Variants in CARD6 observed in about 807,000 individuals in gnomAD.
CARD6 encodes caspase recruitment domain family member 6, also known as caspase recruitment domain-containing protein 6.
Under a neutral mutation model 23.6 loss-of-function variants are expected in CARD6, and 27 were observed. The observed-to-expected ratio is 1.14, with a 90% CI of 0.84 to 1.58. The LOEUF (loss-of-function observed/expected upper bound fraction) is 1.58. CARD6 is among the 40% of genes most tolerant of loss of function. The pLI is 0.00. For synonymous variants in CARD6, 397 were observed against 431.8 expected, an observed-to-expected ratio of 0.92 and a Z score of 1.00; for missense variants, 1,214 against 1,209.9, an observed-to-expected ratio of 1.00 and a Z score of -0.05.
chr5:40,853,449 G>A lies in CARD6; in HGVS notation c.2117G>A (p.Gly706Glu). The change falls in exon 3 of 3, where the codon GGG becomes GAG. Residue 706 changes from glycine (G) to glutamate (E), a missense_variant. By Grantham distance (98) the Gly-to-Glu change is moderately conservative. Transcript: ENST00000254691. Reference sequence around the variant, plus strand: ...GCTCTAATGCCAATTCAAGAGCCTGGGACTCAATGTGAGCTCAGCCAGAAT... The same window carrying A: ...GCTCTAATGCCAATTCAAGAGCCTGAGACTCAATGTGAGCTCAGCCAGAAT... ...SQALMPIQEP[G>E]TQCELSQNLQ... The A allele has an allele frequency of 2.5e-6, 4 of 1,614,176 alleles. No homozygotes were observed. The highest frequency in any genetic ancestry group is 3.4e-6 in the Non-Finnish European group (4 of 1,180,036).
chr5:40,854,238 C>A lies in CARD6; in HGVS notation c.2906C>A (p.Ser969Tyr), dbSNP rs1192623150. Residue 969 changes from serine to tyrosine, a missense_variant, in exon 3 of 3, where the codon TCC becomes TAC. Physicochemically the swap from Ser to Tyr is moderately radical, Grantham distance 144 (BLOSUM62 -2). Coordinates refer to ENST00000254691, the MANE Select transcript of CARD6 (RefSeq NM_032587.4). The part of the protein sequence containing the change: ...PFHSVPSQPK[S>Y]SQTKSCQSQP... ...CATTCTGTGCCCTCTCAACCTAAATCCTCTCAGACAAAATCCTGTCAGTCC... is the reference window on the plus strand; with the variant it reads ...CATTCTGTGCCCTCTCAACCTAAATACTCTCAGACAAAATCCTGTCAGTCC... 2 of 1,614,044 alleles carry A rather than the reference C, an allele frequency of 1.2e-6. No homozygotes were observed. Among genetic ancestry groups the A allele is most frequent in the African/African-American group, 2.7e-5 (2 of 74,908 alleles).
rs1463759367 is a variant in CARD6 at position 40,853,160 on chromosome 5, TG to T, written c.1831del (p.Glu611ArgfsTer22). 6.2e-7 allele frequency: 1 copy of T among 1,614,146 alleles called. No individual in the cohort carries two copies. Among genetic ancestry groups the T allele is most frequent in the Non-Finnish European group, 8.5e-7 (1 of 1,180,020 alleles). On this transcript the variant is annotated frameshift_variant, in exon 3 of 3. Transcript: ENST00000254691. LOFTEE classifies it low-confidence loss of function (END_TRUNC). Reference protein sequence around the residue: ...LNLKPAQLLFWERGDAGDRRK... With the variant: ...LNLKPAQLLFXERGDAGDRRK... ...CTTGAAGCCAGCACAGCTACTGTTT[TG>T]GGAGAGGGGAGATGCTGGGGATAGA...
chr5:40,851,365 A>G (rs1248409425), intron 2 of CARD6, among the ~76,000 whole-genome samples: 1 of 152,146 alleles, frequency 6.6e-6, no homozygotes, highest in Non-Finnish European at 1.5e-5. Flanking sequence ...GTAAAACTAT[A>G]TATTTCTATA....
Position 40,843,637 on chromosome 5 carries a change from G to T in CARD6, c.769G>T (p.Gly257Cys). 1 of 1,592,134 alleles carries T rather than the reference G, an allele frequency of 6.3e-7. No individual in the cohort carries two copies. The highest frequency in any genetic ancestry group is 8.5e-7 in the Non-Finnish European group (1 of 1,173,442). The change falls in exon 2 of 3, where the codon GGT (glycine) becomes TGT (cysteine). Residue 257 changes from glycine to cysteine, a missense_variant. Physicochemically the swap from Gly to Cys is radical, Grantham distance 159. Transcript: ENST00000254691. ...FENSETTEFS[G>C]EEPSYEGSET... ...GAATTCAGAAACCACAGAGTTCTCTGGTGAAGAACCAAGTTATGAGGGATC... is the reference window on the plus strand; with the variant it reads ...GAATTCAGAAACCACAGAGTTCTCTTGTGAAGAACCAAGTTATGAGGGATC...
In CARD6 at chr5:40,843,500, A is replaced by G; in HGVS notation, c.632A>G (p.Lys211Arg). 1.9e-6 allele frequency: 3 copies of G among 1,608,416 alleles called. No homozygotes were observed. Among genetic ancestry groups the G allele is most frequent in the Non-Finnish European group, 1.7e-6 (2 of 1,178,396 alleles). Residue 211 changes from lysine (K) to arginine (R), a missense_variant, in exon 2 of 3, where the codon AAA (lysine) becomes AGA (arginine). Physicochemically the swap from Lys to Arg is conservative, Grantham distance 26 (BLOSUM62 2). Coordinates refer to ENST00000254691, the MANE Select transcript of CARD6 (RefSeq NM_032587.4). ...EELDDSLYLG[K>R]EEYLGSVDTP... The stretch of plus-strand genomic sequence containing the variant: ...CTAGATGATTCTTTATACTTAGGAA[A>G]AGAGGAATATCTAGGATCTGTTGAC...
rs1746125350 is a variant in CARD6, at chr5:40,853,633, T to C, written c.2301T>C (p.His767=). The C allele has an allele frequency of 6.2e-7, 1 of 1,614,114 alleles. No homozygotes were observed. Among genetic ancestry groups the C allele is most frequent in the Non-Finnish European group, 8.5e-7 (1 of 1,180,046 alleles). ...FGSEQRPKWF[H]PLPFQNAGAQ... ...CAGAGCAGAGGCCTAAGTGGTTCCA[T>C]CCTTTGCCTTTTCAGAATGCAGGGG... is the stretch of plus-strand genomic sequence containing the variant. The change falls in exon 3 of 3, where the codon CAT becomes CAC. Residue 767 remains histidine, a synonymous_variant. Coordinates refer to ENST00000254691, the MANE Select transcript of CARD6 (RefSeq NM_032587.4).
At position 40,852,649 on chromosome 5, in the gene CARD6, T is replaced by C. The variant is rs2112177636; in HGVS notation, c.1317T>C (p.Pro439=). 6.2e-7 allele frequency: 1 copy of C among 1,614,190 alleles called. No individual in the cohort carries two copies. The highest frequency in any genetic ancestry group is 1.1e-5 in the South Asian group (1 of 91,084). The change falls in exon 3 of 3, where the codon CCT becomes CCC. Residue 439 remains proline (P), a synonymous_variant. Transcript: ENST00000254691. Reference sequence around the variant, plus strand: ...AGTCAACACAGTTTTCAGGGGGGCCTACAGAGGATACAGAAAAGTTTCTGA... The same window carrying C: ...AGTCAACACAGTTTTCAGGGGGGCCCACAGAGGATACAGAAAAGTTTCTGA... ...KKQSTQFSGG[P]TEDTEKFLTL...
In CARD6 at chr5:40,841,518, A is replaced by T; in HGVS notation, c.136A>T (p.Thr46Ser). Residue 46 changes from threonine (T) to serine (S), a missense_variant, in exon 1 of 3, where the codon ACT becomes TCT. Physicochemically the swap from Thr to Ser is moderately conservative, Grantham distance 58. Coordinates refer to ENST00000254691, the MANE Select transcript of CARD6 (RefSeq NM_032587.4). ...GCTGATTTCTGAGGAAGAGTATGAG[A>T]CTCTGGAGAATGTTACAGATCTCCT... is the stretch of plus-strand genomic sequence containing the variant. ...RRLISEEEYE[T>S]LENVTDLLKK... 1.2e-6 allele frequency: 2 copies of T among 1,613,986 alleles called. No homozygotes were observed. The highest frequency in any genetic ancestry group is 1.7e-6 in the Non-Finnish European group (2 of 1,179,962).
chr5:40,853,522 C>T lies in CARD6; in HGVS notation c.2190C>T (p.Asn730=). 1 of 1,614,178 alleles carries T rather than the reference C, an allele frequency of 6.2e-7. No individual in the cohort carries two copies. Among genetic ancestry groups the T allele is most frequent in the Non-Finnish European group, 8.5e-7 (1 of 1,180,018 alleles). The change falls in exon 3 of 3, where the codon AAC becomes AAT. Residue 730 remains asparagine, a synonymous_variant. Coordinates refer to ENST00000254691, the MANE Select transcript of CARD6 (RefSeq NM_032587.4). The stretch of plus-strand genomic sequence containing the variant: ...CAGTATTCAGGCCTGTTCTAGAGAA[C>T]TCCTGGCTCTTTCCAACCAGAATTG... ...GTPVFRPVLE[N]SWLFPTRIGG... is the part of the protein sequence containing the mutation.
At chr5:40,851,330 A>G (rs1342912907) in intron 2 of CARD6, among the ~76,000 whole-genome samples, 1 of 144,276 alleles carries the variant, frequency 6.9e-6, no homozygotes, top group Non-Finnish European at 1.5e-5. Context: ...GACTCCATCT[A>G]AAAAAAAAAA....
chr5:40,843,956 T>G lies in CARD6; in HGVS notation c.841+247T>G, dbSNP rs775277848. ...AAATATTGATTGTCAGTTTGTAAAT[T>G]TCTGTAGTTCGTATAAGGAGTTGCC... is the stretch of plus-strand genomic sequence containing the variant. On this transcript the variant is annotated intron_variant, in intron 2 of 2. Transcript: ENST00000254691. 2.6e-5 allele frequency among the ~76,000 whole-genome samples: 4 copies of G among 152,182 alleles called. No individual in the cohort carries two copies. In the East Asian group the frequency reaches 7.7e-4, roughly 29 times the overall value.
At position 40,854,364 on chromosome 5, in the gene CARD6, A is replaced by G. The variant is rs937080685; in HGVS notation, c.3032A>G (p.Gln1011Arg). The stretch of plus-strand genomic sequence containing the variant: ...AAGCCTTCTCAGCCCAGACCCCCTC[A>G]ACCTAAGTCATCCTCAACCAATCCT... ...QSKPSQPRPP[Q>R]PKSSSTNPSQ... Residue 1011 changes from glutamine (Q) to arginine (R), a missense_variant, in exon 3 of 3, where the codon CAA becomes CGA. Transcript: ENST00000254691. 1 of 1,613,908 alleles carries G rather than the reference A, an allele frequency of 6.2e-7. No homozygotes were observed. The highest frequency in any genetic ancestry group is 1.3e-5 in the African/African-American group (1 of 74,870).
chr5:40,852,808 T>A lies in CARD6; in HGVS notation c.1476T>A (p.Pro492=). The change falls in exon 3 of 3, where the codon CCT becomes CCA. Residue 492 remains proline, a synonymous_variant. Coordinates refer to ENST00000254691, the MANE Select transcript of CARD6 (RefSeq NM_032587.4). The stretch of plus-strand genomic sequence containing the variant: ...AAATCTTTCTTCATCAAGATTTGCC[T>A]CTTTTGGTGCTTCCCCGGCAAATCT... The part of the protein sequence containing the change: ...LHKIFLHQDL[P]LLVLPRQISD... 2.5e-6 allele frequency: 4 copies of A among 1,614,210 alleles called. No homozygotes were observed. The highest frequency in any genetic ancestry group is 3.4e-6 in the Non-Finnish European group (4 of 1,180,038).
At chr5:40,844,136 G>A (rs920793086) in intron 2 of CARD6, among the ~76,000 whole-genome samples, 3 of 152,186 alleles carry the variant, frequency 2.0e-5, no homozygotes, top group African/African-American at 7.2e-5. Flanking sequence ...AAAACAGTCA[G>A]TAAATGGCTA....
intron 2 of CARD6, among the ~76,000 whole-genome samples, chr5:40,848,447 C>G (rs1746000961): frequency 1.3e-5 from 2 of 152,052 alleles, no homozygotes; most frequent in African/African-American, 4.8e-5. Flanking sequence ...AACTCCTGGG[C>G]TCAAGTGATC....
chr5:40,850,189 C>T (rs949079283), intron 2 of CARD6, among the ~76,000 whole-genome samples: 5 of 151,592 alleles, frequency 3.3e-5, no homozygotes, highest in African/African-American at 4.8e-5. Flanking sequence ...CCGAGGCAGG[C>T]GCATCACGAG....
chr5:40,846,552 G>A (rs936964963), intron 2 of CARD6, among the ~76,000 whole-genome samples: 5 of 152,114 alleles, frequency 3.3e-5, no homozygotes, highest in East Asian at 1.9e-4. Context: ...CTGATATCAA[G>A]GTATCAGGAG....
At chr5:40,850,026 GA>G (rs1403407642) in intron 2 of CARD6, among the ~76,000 whole-genome samples, 2 of 151,858 alleles carry the variant, frequency 1.3e-5, no homozygotes, top group South Asian at 2.1e-4. Context: ...GGGAGATCAG[GA>G]AAAATTAGGT....
Position 40,852,903 on chromosome 5 carries a change from A to G in CARD6, c.1571A>G (p.Gln524Arg). The change falls in exon 3 of 3, where the codon CAA becomes CGA. Residue 524 changes from glutamine to arginine, a missense_variant. Transcript: ENST00000254691. Reference sequence around the variant, plus strand: ...GATAGAAAGGAAAACCCCTTTTTCCAAAAGCCTGTTGCTCTGGCTAATCTC... The same window carrying G: ...GATAGAAAGGAAAACCCCTTTTTCCGAAAGCCTGTTGCTCTGGCTAATCTC... Reference protein sequence around the residue: ...SDDRKENPFFQKPVALANLRG... With the variant: ...SDDRKENPFFRKPVALANLRG... 1 of 1,613,646 alleles carries G rather than the reference A, an allele frequency of 6.2e-7. No homozygotes were observed. The highest frequency in any genetic ancestry group is 8.5e-7 in the Non-Finnish European group (1 of 1,179,894).
Sources: allele counts gnomAD v4.1 joint callset (sites outside exome capture counted in the v4.1 genomes callset), GRCh38; gene constraint gnomAD v4.1.1; transcripts MANE v1.5; gene names NCBI Gene and HGNC (gene_info 2026-07-23, HGNC 2026-07-21).